ZNF385B: variants seen among roughly 807,000 people sequenced by gnomAD.
The protein encoded by ZNF385B is zinc finger protein 385B.
ZNF385B carries 23 observed loss-of-function variants against 39.2 expected under a neutral mutation model. The ratio of observed to expected loss-of-function variants is 0.59; its 90% CI spans 0.42 to 0.83. The LOEUF is 0.83. ZNF385B is among the 40% of genes least tolerant of loss of function. The probability of loss-of-function intolerance (pLI) is 0.00; values close to 1 mark genes in which losing one functional copy is unlikely to be tolerated. For synonymous variants in ZNF385B, 205 were observed against 222.6 expected (o/e 0.92, Z 0.70); for missense variants, 552 against 598.9 (o/e 0.92, Z 0.82).
chr2:179,750,897 G>A (rs534566131), intron 3 of ZNF385B, among the ~76,000 whole-genome samples: 1 of 152,128 alleles, frequency 6.6e-6, no homozygotes, highest in African/African-American at 2.4e-5. Context: ...ATGGCAAGTT[G>A]ATTCATCAAA....
intron 6 of ZNF385B, among the ~76,000 whole-genome samples, chr2:179,464,422 C>T (rs1023295651): frequency 6.6e-6 from 1 of 152,116 alleles, no homozygotes; most frequent in Non-Finnish European, 1.5e-5. Context: ...AAGTCTTTGC[C>T]CATGCCTATG....
intron 3 of ZNF385B, among the ~76,000 whole-genome samples, chr2:179,720,975 C>T (rs1700661820): frequency 8.0e-6 from 1 of 124,508 alleles, no homozygotes; most frequent in South Asian, 2.7e-4. Flanking sequence ...TGGTATGTTG[C>T]CCAAGCTTAT....
intron 3 of ZNF385B, among the ~76,000 whole-genome samples, chr2:179,592,930 G>T (rs1558956219): frequency 6.6e-6 from 1 of 152,054 alleles, no homozygotes; most frequent in African/African-American, 2.4e-5. Context: ...TTTCATATGG[G>T]AATATGGTCT....
intron 3 of ZNF385B, among the ~76,000 whole-genome samples, chr2:179,730,555 C>A (rs1009641315): frequency 6.6e-6 from 1 of 152,132 alleles, no homozygotes; most frequent in African/African-American, 2.4e-5. Flanking sequence ...GAAGTCTATG[C>A]CTAATTTAAA....
intron 3 of ZNF385B, among the ~76,000 whole-genome samples, chr2:179,718,095 C>A (rs545317343): frequency 2.6e-5 from 4 of 152,018 alleles, no homozygotes; most frequent in African/African-American, 9.6e-5. Context: ...TTTAGTAAAT[C>A]CTGAATTAAT....
At chr2:179,652,206 CT>C (rs1361151939) in intron 3 of ZNF385B, among the ~76,000 whole-genome samples, 1 of 152,058 alleles carries the variant, frequency 6.6e-6, no homozygotes, top group Non-Finnish European at 1.5e-5. Context: ...ATCAGGAAAA[CT>C]TTTTCATGAT....
intron 3 of ZNF385B, among the ~76,000 whole-genome samples, chr2:179,573,845 A>T (rs1471039402): frequency 1.3e-5 from 2 of 152,002 alleles, no homozygotes; most frequent in African/African-American, 4.8e-5. Flanking sequence ...TAAAGTCTTA[A>T]TTTTTTTTAC....
intron 3 of ZNF385B, among the ~76,000 whole-genome samples, chr2:179,688,833 C>A (rs1698132580): frequency 6.6e-6 from 1 of 152,156 alleles, no homozygotes; most frequent in Non-Finnish European, 1.5e-5. Flanking sequence ...CTACCAATTG[C>A]CCTAGACCCT....
At chr2:179,537,385 G>T (rs1304991839) in intron 4 of ZNF385B, among the ~76,000 whole-genome samples, 1 of 151,798 alleles carries the variant, frequency 6.6e-6, no homozygotes, top group Non-Finnish European at 1.5e-5. Context: ...TAGTGCAGAT[G>T]GTCACTATGT....
At chr2:179,780,103 G>A (rs535487917) in intron 1 of ZNF385B, among the ~76,000 whole-genome samples, 6 of 152,154 alleles carry the variant, frequency 3.9e-5, no homozygotes, top group South Asian at 2.1e-4. Context: ...GAACCACTGC[G>A]CTAAAGATTG....
chr2:179,532,800 G>C (rs946549565), intron 4 of ZNF385B, among the ~76,000 whole-genome samples: 4 of 152,088 alleles, frequency 2.6e-5, no homozygotes, highest in African/African-American at 9.7e-5. Flanking sequence ...CCTCACAATA[G>C]AACAATATCA....
chr2:179,630,519 C>A (rs1414136617), intron 3 of ZNF385B, among the ~76,000 whole-genome samples: 1 of 152,194 alleles, frequency 6.6e-6, no homozygotes, highest in Non-Finnish European at 1.5e-5. Context: ...ATCTGTAGGT[C>A]ACCAACATCA....
intron 1 of ZNF385B, among the ~76,000 whole-genome samples, chr2:179,807,209 A>G (rs991397436): frequency 6.6e-6 from 1 of 152,260 alleles, no homozygotes; most frequent in African/African-American, 2.4e-5. Context: ...ATGCTCACAC[A>G]ATGGAATGCT....
At chr2:179,445,915 T>A (rs556000528) in intron 7 of ZNF385B, among the ~76,000 whole-genome samples, 187 bp from the exon 8 acceptor site, 9 of 152,202 alleles carry the variant, frequency 5.9e-5, no homozygotes, top group African/African-American at 2.2e-4. Flanking sequence ...GCGTATATAA[T>A]AAAGAAAATA....
At chr2:179,749,100 A>C (rs950184226) in intron 3 of ZNF385B, among the ~76,000 whole-genome samples, 3 of 152,036 alleles carry the variant, frequency 2.0e-5, no homozygotes, top group Admixed American at 6.6e-5. Flanking sequence ...TGGTGCCCTG[A>C]AGGTTTGATG....
chr2:179,792,702 G>T (rs1339519051), intron 1 of ZNF385B, among the ~76,000 whole-genome samples: 1 of 152,126 alleles, frequency 6.6e-6, no homozygotes, highest in Non-Finnish European at 1.5e-5. Flanking sequence ...AGAGAAAAAT[G>T]AAACTCTGAA....
intron 3 of ZNF385B, among the ~76,000 whole-genome samples, chr2:179,630,290 G>A (rs3106700): frequency 0.38 from 58,267 of 152,096 alleles, 11,356 homozygotes; most frequent in African/African-American, 0.46. Context: ...CACATAGGTG[G>A]CTGCCACTCT....
At chr2:179,516,091 T>G (rs7593183) in intron 5 of ZNF385B, among the ~76,000 whole-genome samples, 92,061 of 150,276 alleles carry the variant, frequency 0.61, 29,475 homozygotes, top group Admixed American at 0.71. Context: ...TTGTAGCATG[T>G]ATCAGTACTT....
chr2:179,589,713 T>A (rs1478200522), intron 3 of ZNF385B, among the ~76,000 whole-genome samples: 2 of 152,196 alleles, frequency 1.3e-5, no homozygotes. Flanking sequence ...ACTAGCTCTA[T>A]GATTAAAAGG....
Sources: allele counts gnomAD v4.1 joint callset (sites outside exome capture counted in the v4.1 genomes callset), GRCh38; gene constraint gnomAD v4.1.1; transcripts MANE v1.5; gene names NCBI Gene and HGNC (gene_info 2026-07-23, HGNC 2026-07-21).